Variants in MRPL38 observed in about 807,000 individuals in gnomAD.
The protein encoded by MRPL38 is large ribosomal subunit protein mL38.
MRPL38 carries 51 observed loss-of-function variants against 52.1 expected under a neutral mutation model. That is an observed-to-expected ratio of 0.98 (90% CI 0.78 to 1.24). MRPL38 has a LOEUF of 1.24. Among genes scored for constraint, MRPL38 ranks in the 50% most tolerant of loss-of-function variants. MRPL38 has a pLI of 0.00. For synonymous variants in MRPL38, 245 were observed against 212.7 expected, an observed-to-expected ratio of 1.15 and a Z score of -1.32; for missense variants, 527 against 518.6, an observed-to-expected ratio of 1.02 and a Z score of -0.16.
rs201804683 is a variant in MRPL38 at position 75,901,210 on chromosome 17, T to A, written c.655A>T (p.Thr219Ser). ...EEGSLWTLLL[T>S]SLDGHLLEPD... ...AGCCCCAGACACCCACCCAAGCTAG[T>A]GAGTAGCAACGTCCACAAGGAGCCC... Residue 219 changes from threonine (T) to serine (S), a missense_variant, in exon 5 of 9, where the codon ACT (threonine) becomes TCT (serine). Coordinates refer to ENST00000309352, the MANE Select transcript of MRPL38 (RefSeq NM_032478.4). The surrounding 1 kb of genome is among the most constrained non-coding windows in gnomAD (Gnocchi z 5.7). The A allele has an allele frequency of 1.9e-4, 308 of 1,613,534 alleles. No individual in the cohort carries two copies. Among genetic ancestry groups the A allele is most frequent in the Admixed American group, 3.5e-4 (21 of 59,982 alleles).
Position 75,901,782 on chromosome 17 carries a change from T to G in MRPL38, c.521A>C (p.His174Pro). 1 of 1,613,458 alleles carries G rather than the reference T, an allele frequency of 6.2e-7. No homozygotes were observed. Among genetic ancestry groups the G allele is most frequent in the Non-Finnish European group, 8.5e-7 (1 of 1,179,838 alleles). The change falls in exon 4 of 9, where the codon CAC becomes CCC. Residue 174 changes from histidine to proline, a missense_variant. By Grantham distance (77) the His-to-Pro change is moderately conservative. Transcript: ENST00000309352. The surrounding 1 kb of genome is among the most constrained non-coding windows in gnomAD (Gnocchi z 5.7). ...GATFVPRVPL[H>P]VAYAVGEDDL... The stretch of plus-strand genomic sequence containing the variant: ...ATCCTCACCCACAGCGTAGGCCACG[T>G]GCAGGGGGACTCGGGGCACAAAGGT...
rs1486308216 is a variant in MRPL38 at position 75,901,539 on chromosome 17, T to C, written c.591+173A>G. 90 of 684,552 alleles carry C rather than the reference T, an allele frequency of 1.3e-4. 1 individual carries two copies. The highest frequency in any genetic ancestry group is 4.3e-5 in the Non-Finnish European group (17 of 396,582). 42.4% of individuals were successfully genotyped at this position (684,552 alleles called of 1,614,324 possible). ...CACAGGAATGTGCTAAGACAGAGCCTCTTTTTCCTTCATTTTGTTCTATTT... is the reference window on the plus strand; with the variant it reads ...CACAGGAATGTGCTAAGACAGAGCCCCTTTTTCCTTCATTTTGTTCTATTT... On this transcript the variant is annotated intron_variant, in intron 4 of 8. Coordinates refer to ENST00000309352, the MANE Select transcript of MRPL38 (RefSeq NM_032478.4). The surrounding 1 kb of genome is among the most constrained non-coding windows in gnomAD (Gnocchi z 5.7).
chr17:75,901,837 C>A lies in MRPL38; in HGVS notation c.466G>T (p.Gly156Cys), dbSNP rs746163622. 6.2e-7 allele frequency: 1 copy of A among 1,613,248 alleles called. No individual in the cohort carries two copies. The highest frequency in any genetic ancestry group is 8.5e-7 in the Non-Finnish European group (1 of 1,179,838). The change falls in exon 4 of 9, where the codon GGC becomes TGC. Residue 156 changes from glycine to cysteine, a missense_variant. Coordinates refer to ENST00000309352, the MANE Select transcript of MRPL38 (RefSeq NM_032478.4). The surrounding 1 kb of genome is among the most constrained non-coding windows in gnomAD (Gnocchi z 5.7). ...YHKQRLAEYY[G>C]LYRDLFHGAT... ...CCGTGGAACAGGTCTCGGTAGAGGC[C>A]GTAATACTCAGCCAGACGCTGCTTG...
intron 2 of MRPL38, chr17:75,902,406 T>C: frequency 2.1e-6 from 1 of 486,154 alleles, no homozygotes; most frequent in South Asian, 2.7e-5. Flanking sequence ...CGCCCAGCCA[T>C]GGTAGCTAAT....
chr17:75,904,643 C>T lies in MRPL38; in HGVS notation c.144G>A (p.Leu48=). The part of the protein sequence containing the change: ...SDIDLSNLER[L]EKYRSFDRYR... ...AGCGGTCGAAGCTCCGGTACTTCTC[C>T]AGCCGCTCCAGGTTGCTCAAGTCGA... is the stretch of plus-strand genomic sequence containing the variant. Residue 48 remains leucine, a synonymous_variant, in exon 2 of 9, where the codon CTG becomes CTA. Transcript: ENST00000309352. The T allele has an allele frequency of 6.3e-7, 1 of 1,597,740 alleles. No homozygotes were observed. Among genetic ancestry groups the T allele is most frequent in the Non-Finnish European group, 8.5e-7 (1 of 1,178,594 alleles).
rs769413691 is a variant in MRPL38, at chr17:75,899,176, T to C, written c.988A>G (p.Ile330Val). ...CCCTTACCCAGAAGCTGGTGGAAGA[T>C]GTAGGTGACGGAGTCATCCCAGCGG... is the stretch of plus-strand genomic sequence containing the variant. ...QCRWDDSVTY[I>V]FHQLLDMREP... Residue 330 changes from isoleucine (I) to valine (V), a missense_variant, in exon 8 of 9, where the codon ATC becomes GTC. By Grantham distance (29) the Ile-to-Val change is conservative. Transcript: ENST00000309352. 1.9e-6 allele frequency: 3 copies of C among 1,604,072 alleles called. No homozygotes were observed. The highest frequency in any genetic ancestry group is 1.3e-5 in the African/African-American group (1 of 74,716).
chr17:75,900,844 A>G, intron 6 of MRPL38, 138 bp downstream of exon 6: 17 of 1,445,398 alleles, frequency 1.2e-5, no homozygotes, highest in Non-Finnish European at 1.5e-5. Context: ...GGCCCCTAAC[A>G]CCCTCAGGAG....
At position 75,899,067 on chromosome 17, in the gene MRPL38, G is replaced by A. The variant is rs920876395; in HGVS notation, c.1007-81C>T. The stretch of plus-strand genomic sequence containing the variant: ...GAGGCCTGCCCACCAGGGACCTGCC[G>A]CAGCCTTCCCCTAACAAAGCTTCTC... On this transcript the variant is annotated intron_variant, in intron 8 of 8. Transcript: ENST00000309352. 36 of 1,531,320 alleles carry A rather than the reference G, an allele frequency of 2.4e-5. No homozygotes were observed. In the Admixed American group the frequency reaches 2.5e-4, roughly 10 times the overall value. 94.9% of individuals were successfully genotyped at this position (1,531,320 alleles called of 1,614,324 possible).
rs768908572 is a variant in MRPL38, at chr17:75,899,496, G to T, written c.869+20C>A. Reference sequence around the variant, plus strand: ...GGGAGCTGGCCTGAGGCCGGGTTATGTGTGGGTGGTGTAGATTACCAGGGT... The same window carrying T: ...GGGAGCTGGCCTGAGGCCGGGTTATTTGTGGGTGGTGTAGATTACCAGGGT... On this transcript the variant is annotated intron_variant, in intron 7 of 8. Coordinates refer to ENST00000309352, the MANE Select transcript of MRPL38 (RefSeq NM_032478.4). 3 of 1,566,060 alleles carry T rather than the reference G, an allele frequency of 1.9e-6. No homozygotes were observed. Among genetic ancestry groups the T allele is most frequent in the South Asian group, 2.4e-5 (2 of 84,778 alleles).
At chr17:75,899,373 C>G in intron 7 of MRPL38, 79 bp from the exon 8 acceptor site, 1 of 1,551,554 alleles carries the variant, frequency 6.4e-7, no homozygotes, top group East Asian at 2.3e-5. Context: ...ACAGGTAACC[C>G]TGAGAGGCCC....
At position 75,904,701 on chromosome 17, in the gene MRPL38, G is replaced by A. The variant is rs2065420863; in HGVS notation, c.86C>T (p.Thr29Ile). 2.5e-6 allele frequency: 4 copies of A among 1,591,646 alleles called. No homozygotes were observed. Among genetic ancestry groups the A allele is most frequent in the Non-Finnish European group, 3.4e-6 (4 of 1,176,540 alleles). ...GTTGGGCATCGGCCCCAGCGGGGGT[G>A]TCCGGCGGCCCAGGACGGCTGCGGG... is the stretch of plus-strand genomic sequence containing the variant. ...FSTSAVLGRR[T>I]PPLGPMPNSD... The change falls in exon 2 of 9, where the codon ACA becomes ATA. Residue 29 changes from threonine (T) to isoleucine (I), a missense_variant. Coordinates refer to ENST00000309352, the MANE Select transcript of MRPL38 (RefSeq NM_032478.4).
chr17:75,904,868 G>C lies in MRPL38; in HGVS notation c.8C>G (p.Ala3Gly). ...GCACAGCGCGGCTCGCCACCAGGGC[G>C]CCGCCATCTTCCCTCCGGCCTGCGA... MA[A>G]PWWRAALCEC... Residue 3 changes from alanine to glycine, a missense_variant, in exon 1 of 9, where the codon GCG becomes GGG. Ala to Gly is a moderately conservative substitution (Grantham distance 60). Coordinates refer to ENST00000309352, the MANE Select transcript of MRPL38 (RefSeq NM_032478.4). 3 of 1,510,186 alleles carry C rather than the reference G, an allele frequency of 2.0e-6. No homozygotes were observed. In the South Asian group the frequency reaches 3.6e-5, roughly 18 times the overall value. The allele number at this position is 1,510,186 out of a possible 1,614,324, so 93.5% of individuals were successfully genotyped here.
chr17:75,902,983 C>T (rs2065411776), intron 2 of MRPL38, among the ~76,000 whole-genome samples: 1 of 152,222 alleles, frequency 6.6e-6, no homozygotes, highest in South Asian at 2.1e-4. Context: ...ACAGTTTTGT[C>T]TAGGTCATGG....
chr17:75,899,372 C>T, intron 7 of MRPL38, 78 bp from the exon 8 acceptor site: 1 of 1,550,740 alleles, frequency 6.4e-7, no homozygotes, highest in East Asian at 2.3e-5. Context: ...AACAGGTAAC[C>T]CTGAGAGGCC....
At position 75,901,509 on chromosome 17, in the gene MRPL38, C is replaced by T. The variant is rs1407721596; in HGVS notation, c.591+203G>A. On this transcript the variant is annotated intron_variant, in intron 4 of 8. Transcript: ENST00000309352. This position sits in a 1 kb window ranked among gnomAD's most constrained non-coding sequence, Gnocchi z 5.7. The stretch of plus-strand genomic sequence containing the variant: ...AGGAGGGCACACCACAGACAGCAGG[C>T]TGGTCACAGGAATGTGCTAAGACAG... The T allele has an allele frequency of 4.5e-6, 3 of 662,724 alleles. No individual in the cohort carries two copies. The highest frequency in any genetic ancestry group is 3.6e-5 in the African/African-American group (2 of 55,416). 41.1% of individuals were successfully genotyped at this position (662,724 alleles called of 1,614,324 possible).
In MRPL38 at chr17:75,901,351, C is replaced by T; in HGVS notation, c.592-78G>A. The T allele has an allele frequency of 7.2e-7, 1 of 1,381,540 alleles. No individual in the cohort carries two copies. Among genetic ancestry groups the T allele is most frequent in the Non-Finnish European group, 1.0e-6 (1 of 989,564 alleles). The allele number at this position is 1,381,540 out of a possible 1,614,324, so 85.6% of individuals were successfully genotyped here. On this transcript the variant is annotated intron_variant, in intron 4 of 8. Transcript: ENST00000309352. This position sits in a 1 kb window ranked among gnomAD's most constrained non-coding sequence, Gnocchi z 5.7. ...GCAGGGAGCCTTGGAGAAAGGGGTG[C>T]CCACTCTGACCCAAAAGCCCTTGAC...
Position 75,899,671 on chromosome 17 carries a change from G to A in MRPL38, c.714C>T (p.Thr238=). The A allele has an allele frequency of 7.0e-6, 11 of 1,561,964 alleles. No individual in the cohort carries two copies. Among genetic ancestry groups the A allele is most frequent in the Non-Finnish European group, 9.6e-6 (11 of 1,150,814 alleles). Residue 238 remains threonine (T), a synonymous_variant, in exon 7 of 9, where the codon ACC becomes ACT. Coordinates refer to ENST00000309352, the MANE Select transcript of MRPL38 (RefSeq NM_032478.4). ...PDAEYLHWLL[T]NIPGNRVAEG... ...CAGCCACCCGGTTACCCGGGATGTT[G>A]GTTCTGGGAGGAGGAAAGTCCCGGT...
rs369036011 is a variant in MRPL38, at chr17:75,901,956, G to T, written c.383-36C>A. 46 of 1,600,410 alleles carry T rather than the reference G, an allele frequency of 2.9e-5. No homozygotes were observed. The highest frequency in any genetic ancestry group is 3.6e-5 in the Non-Finnish European group (42 of 1,171,796). On this transcript the variant is annotated intron_variant, in intron 3 of 8. Coordinates refer to ENST00000309352, the MANE Select transcript of MRPL38 (RefSeq NM_032478.4). The surrounding 1 kb of genome is among the most constrained non-coding windows in gnomAD (Gnocchi z 5.7). Reference sequence around the variant, plus strand: ...ATAAGGCCAGTTGGGATACGGGGGTGGGGGGGGCAGGGACACACCCTGTAC... The same window carrying T: ...ATAAGGCCAGTTGGGATACGGGGGTTGGGGGGGCAGGGACACACCCTGTAC...
intron 2 of MRPL38, among the ~76,000 whole-genome samples, chr17:75,903,313 G>T (rs1321932571): frequency 6.6e-6 from 1 of 152,218 alleles, no homozygotes; most frequent in African/African-American, 2.4e-5. Context: ...GGAGGCAGAA[G>T]CAGGAAAATC....
Sources: allele counts gnomAD v4.1 joint callset (sites outside exome capture counted in the v4.1 genomes callset), GRCh38; gene constraint gnomAD v4.1.1; non-coding constraint Gnocchi (gnomAD v3.1); transcripts MANE v1.5; gene names NCBI Gene and HGNC (gene_info 2026-07-23, HGNC 2026-07-21).